MTAP: variants seen among roughly 807,000 people sequenced by gnomAD.
MTAP encodes S-methyl-5'-thioadenosine phosphorylase.
MTAP carries 33 observed loss-of-function variants against 33.6 expected under a neutral mutation model. The ratio of observed to expected loss-of-function variants is 0.98; its 90% confidence interval spans 0.74 to 1.31. The LOEUF is 1.31. Among genes scored for constraint, MTAP ranks in the 40% most tolerant of loss-of-function variants. The pLI is 0.00. For missense variants in MTAP, 367 were observed against 360.0 expected, an observed-to-expected ratio of 1.02 and a Z score of -0.16; for synonymous variants, 148 against 125.7, an observed-to-expected ratio of 1.18 and a Z score of -1.19.
At chr9:21,826,519 C>A (rs978494413) in intron 4 of MTAP, among the ~76,000 whole-genome samples, 8 of 151,728 alleles carry the variant, frequency 5.3e-5, no homozygotes, top group Non-Finnish European at 7.4e-5. Flanking sequence ...TGGCAAGGAT[C>A]CTTCCTTCTG....
At chr9:21,928,065 C>T (rs1183985362) in intron 1 of MTAP, among the ~76,000 whole-genome samples, 1 of 152,312 alleles carries the variant, frequency 6.6e-6, no homozygotes, top group East Asian at 1.9e-4. Flanking sequence ...TTACTCCCCT[C>T]TCTCCCCAGT....
At chr9:21,857,397 T>G (rs1825665948) in intron 6 of MTAP, among the ~76,000 whole-genome samples, 1 of 152,210 alleles carries the variant, frequency 6.6e-6, no homozygotes, top group Non-Finnish European at 1.5e-5. Flanking sequence ...TGCTACAGTG[T>G]TCATCATTTT....
intron 1 of MTAP, among the ~76,000 whole-genome samples, chr9:21,912,127 AG>A (rs1469290849): frequency 1.3e-5 from 2 of 152,216 alleles, no homozygotes; most frequent in Non-Finnish European, 2.9e-5. Context: ...TCTGAAATTG[AG>A]GCAATAATTA....
rs200305247 is a variant in MTAP at position 21,846,169 on chromosome 9, A to G, written c.450+8159A>G. 1.9e-4 allele frequency among the ~76,000 whole-genome samples: 29 copies of G among 152,304 alleles called. No homozygotes were observed. In the East Asian group the frequency reaches 5.6e-3, roughly 29 times the overall value. ...AACCATAAAAATTCTAGAAAATAACATCGGAAAAACCTATCTAGGCCTTGG... is the reference window on the plus strand; with the variant it reads ...AACCATAAAAATTCTAGAAAATAACGTCGGAAAAACCTATCTAGGCCTTGG... On this transcript the variant is annotated intron_variant, in intron 5 of 7. Transcript: ENST00000644715.
At chr9:21,911,427 G>C (rs1406732553) in intron 1 of MTAP, among the ~76,000 whole-genome samples, 4 of 152,064 alleles carry the variant, frequency 2.6e-5, no homozygotes, top group African/African-American at 9.7e-5. Flanking sequence ...ATAATAAACT[G>C]TCTCTCAGAC....
In MTAP at chr9:21,862,238, G is replaced by A; in HGVS notation, c.*224G>A. The stretch of plus-strand genomic sequence containing the variant: ...AAAGCAAATGACTAGTAAACATGTG[G>A]GAAAAAATATTACATTTTAAGGGGG... On this transcript the variant is annotated 3_prime_UTR_variant, in exon 8 of 8. Coordinates refer to ENST00000644715, the MANE Select transcript of MTAP (RefSeq NM_002451.4). 8.7e-7 allele frequency: 1 copy of A among 1,146,680 alleles called. No individual in the cohort carries two copies. The highest frequency in any genetic ancestry group is 3.8e-5 in the Admixed American group (1 of 26,080). 71.0% of individuals were successfully genotyped at this position (1,146,680 alleles called of 1,614,324 possible).
intron 1 of MTAP, among the ~76,000 whole-genome samples, chr9:21,920,071 G>A (rs1818762597): frequency 6.6e-6 from 1 of 152,044 alleles, no homozygotes; most frequent in African/African-American, 2.4e-5. Flanking sequence ...ATATTCTTGG[G>A]GCAAACAGGA....
chr9:21,916,271 G>A lies in MTAP; in HGVS notation c.148-14737G>A, dbSNP rs192630729. On this transcript the variant is annotated intron_variant, in intron 1 of 1. Coordinates refer to the MTAP transcript ENST00000577563. ...TAATCAGTTAAGATGAGGTCATACCGGGTTGAGGTGGACCCTAATCTAATG... is the reference window on the plus strand; with the variant it reads ...TAATCAGTTAAGATGAGGTCATACCAGGTTGAGGTGGACCCTAATCTAATG... 1.2e-4 allele frequency among the ~76,000 whole-genome samples: 18 copies of A among 152,198 alleles called. No homozygotes were observed. The East Asian group carries it at 2.1e-3, about 18-fold the overall frequency.
intron 5 of MTAP, among the ~76,000 whole-genome samples, 200 bp downstream of exon 5, chr9:21,838,210 A>G (rs901483128): frequency 1.3e-5 from 2 of 152,196 alleles, no homozygotes; most frequent in African/African-American, 4.8e-5. Flanking sequence ...TTTAAGCTGA[A>G]CCACTCAAAG....
chr9:21,889,489 C>G (rs1034026122), intron 1 of MTAP, among the ~76,000 whole-genome samples: 3 of 151,940 alleles, frequency 2.0e-5, no homozygotes, highest in African/African-American at 7.3e-5. Context: ...AGAATTGTTT[C>G]TCTGTTTTCT....
rs372595505 is a variant in MTAP, at chr9:21,815,527, T to A, written c.120+8T>A. 4 of 1,576,648 alleles carry A rather than the reference T, an allele frequency of 2.5e-6. No homozygotes were observed. Among genetic ancestry groups the A allele is most frequent in the Non-Finnish European group, 3.5e-6 (4 of 1,149,112 alleles). On this transcript the variant is annotated splice_region_variant and intron_variant, in intron 2 of 7. Transcript: ENST00000644715. ...GATACTCCATTTGGCAAGGTTAATATCCAACTTGTGGAGACATGTTTTTTA... is the reference window on the plus strand; with the variant it reads ...GATACTCCATTTGGCAAGGTTAATAACCAACTTGTGGAGACATGTTTTTTA...
intron 5 of MTAP, among the ~76,000 whole-genome samples, chr9:21,841,118 C>A (rs540179323): frequency 1.3e-5 from 2 of 152,296 alleles, no homozygotes; most frequent in East Asian, 3.9e-4. Flanking sequence ...AGAGTCTGAG[C>A]CCAGAACCAC....
At position 21,862,542 on chromosome 9, in the gene MTAP, AT is replaced by A. The variant is rs1005325374; in HGVS notation, c.*529del. The A allele has an allele frequency of 1.3e-5, 2 of 152,310 alleles. No homozygotes were observed. The highest frequency in any genetic ancestry group is 4.8e-5 in the African/African-American group (2 of 41,450). The allele number at this position is 152,310 out of a possible 1,614,324, so 9.4% of individuals were successfully genotyped here. ...CAGAGATGCATACAAAGAATTATAT[AT>A]AAAGAAGGGTGTTTAATAATGATAG... On this transcript the variant is annotated 3_prime_UTR_variant, in exon 8 of 8. Transcript: ENST00000644715.
At chr9:21,910,047 G>C (rs1818545147) in intron 1 of MTAP, among the ~76,000 whole-genome samples, 1 of 152,046 alleles carries the variant, frequency 6.6e-6, no homozygotes, top group Admixed American at 6.5e-5. Context: ...TCAGAAAAGG[G>C]ACAAAATGTC....
intron 1 of MTAP, among the ~76,000 whole-genome samples, chr9:21,909,624 A>G (rs1032419722): frequency 6.6e-6 from 1 of 152,154 alleles, no homozygotes; most frequent in African/African-American, 2.4e-5. Flanking sequence ...GTAAGCCTAG[A>G]TGCCCATTCA....
rs1012753493 is a variant in MTAP, at chr9:21,866,187, C to T, written c.*4173C>T. Reference sequence around the variant, plus strand: ...GTGCTTATTGGCCATTCACATATTTCGTGAACTATCTGTACAAATATTTTT... The same window carrying T: ...GTGCTTATTGGCCATTCACATATTTTGTGAACTATCTGTACAAATATTTTT... On this transcript the variant is annotated 3_prime_UTR_variant, in exon 8 of 8. Coordinates refer to ENST00000644715, the MANE Select transcript of MTAP (RefSeq NM_002451.4). 4.6e-5 allele frequency: 7 copies of T among 152,006 alleles called. No homozygotes were observed. The highest frequency in any genetic ancestry group is 2.1e-4 in the South Asian group (1 of 4,816). The allele number at this position is 152,006 out of a possible 1,614,324, so 9.4% of individuals were successfully genotyped here. A position where few individuals can be genotyped will look rare whatever the true frequency, so the allele number is the denominator to read the frequency against.
chr9:21,805,006 C>T (rs904205429), intron 1 of MTAP, among the ~76,000 whole-genome samples: 1 of 152,208 alleles, frequency 6.6e-6, no homozygotes, highest in Admixed American at 6.5e-5. Context: ...ATGCAGAAAG[C>T]AGGCTGCCTC....
At position 21,880,995 on chromosome 9, in the gene MTAP, C is replaced by A. The variant is rs376201973; in HGVS notation, c.147+26125C>A. Among the ~76,000 whole-genome samples the A allele has an allele frequency of 9.9e-5, 15 of 152,086 alleles. 1 individual carries two copies. The South Asian group carries it at 1.5e-3, about 15-fold the overall frequency. On this transcript the variant is annotated intron_variant, in intron 1 of 1. Transcript: ENST00000577563. ...AAAGACATTGGAAGTCTGACAATGC[C>A]TGATTTCAAAATATATTACAAAACT...
intron 1 of MTAP, chr9:21,803,039 A>ACACACACACACACACACACACACACCC (rs1554640712): frequency 4.2e-6 from 2 of 472,328 alleles, no homozygotes; most frequent in Non-Finnish European, 5.4e-6. Context: ...CACACACACC[A>ACACACACACACACACACACACACACCC]CCTTTTGGCT....
Sources: allele counts gnomAD v4.1 joint callset (sites outside exome capture counted in the v4.1 genomes callset), GRCh38; gene constraint gnomAD v4.1.1; transcripts MANE v1.5; gene names NCBI Gene and HGNC (gene_info 2026-07-23, HGNC 2026-07-21).